The following SPATA2L variants were observed in gnomAD, a reference collection of about 807,000 sequenced individuals.
SPATA2L encodes the protein spermatogenesis-associated protein 2-like protein.
SPATA2L carries 5 observed loss-of-function variants against 8.7 expected under a neutral mutation model. The observed-to-expected ratio is 0.57, with a 90% CI of 0.30 to 1.21. SPATA2L has a LOEUF of 1.21. Ranked by LOEUF, SPATA2L falls within the 50% of genes most tolerant of loss-of-function variation. SPATA2L has a pLI of 0.07. For synonymous variants in SPATA2L, 358 were observed against 275.8 expected (o/e 1.30, Z -2.95); for missense variants, 671 against 591.0 (o/e 1.14, Z -1.40).
In SPATA2L at chr16:89,700,227, CCT is replaced by C. The variant is rs761558324; in HGVS notation, c.303+701_303+702del. ...AGGCCTCAAGGGCGGGCCTGTCCGT[CCT>C]CTCTCATGAATGAAAGTCCTGGCGC... On this transcript the variant is annotated intron_variant, in intron 2 of 2. Coordinates refer to ENST00000289805, the MANE Select transcript of SPATA2L (RefSeq NM_152339.4). Among the ~76,000 whole-genome samples, 24 of 152,336 alleles carry C rather than the reference CCT, an allele frequency of 1.6e-4. No homozygotes were observed. In the South Asian group the frequency reaches 3.3e-3, roughly 21 times the overall value.
chr16:89,698,397 T>G (rs1195645703), intron 2 of SPATA2L, 92 bp from the exon 3 acceptor site: 1 of 1,419,690 alleles, frequency 7.0e-7, no homozygotes, highest in Non-Finnish European at 9.4e-7. Flanking sequence ...GCTCAGGCCT[T>G]GGCAGCTTCT....
At chr16:89,700,819 C>A (rs1039355245) in intron 2 of SPATA2L, 111 bp downstream of exon 2, 1 of 1,228,748 alleles carries the variant, frequency 8.1e-7, no homozygotes, top group Non-Finnish European at 1.1e-6. Context: ...CCACCAGGCA[C>A]TGAGGACACT....
In SPATA2L at chr16:89,697,243, C is replaced by T. The variant is rs544331742; in HGVS notation, c.*91G>A. ...GCTGTGCCCAGGACTCCCCCAGGGA[C>T]AAGGCAACCAGAGGCCCAGACCCCT... is the stretch of plus-strand genomic sequence containing the variant. On this transcript the variant is annotated 3_prime_UTR_variant, in exon 3 of 3. Transcript: ENST00000289805. 1.6e-3 allele frequency: 2,307 copies of T among 1,414,900 alleles called. 2 individuals carry two copies. The highest frequency in any genetic ancestry group is 2.0e-3 in the Non-Finnish European group (2,171 of 1,088,462). The allele number at this position is 1,414,900 out of a possible 1,614,324, so 87.6% of individuals were successfully genotyped here. A position where few individuals can be genotyped will look rare whatever the true frequency, so the allele number is the denominator to read the frequency against.
intron 1 of SPATA2L, 77 bp downstream of exon 1, chr16:89,701,551 G>A (rs949033872): frequency 1.6e-5 from 5 of 316,060 alleles, no homozygotes. Flanking sequence ...ACGCGCTTCC[G>A]CCCGCTGAGC....
At chr16:89,699,208 C>T (rs1166685971) in intron 2 of SPATA2L, among the ~76,000 whole-genome samples, 2 of 152,196 alleles carry the variant, frequency 1.3e-5, no homozygotes, top group Non-Finnish European at 2.9e-5. Flanking sequence ...TCCCTTCACC[C>T]CTGGAGATGG....
Position 89,697,762 on chromosome 16 carries a change from C to T in SPATA2L, c.847G>A (p.Glu283Lys). ...GGGCTGCTGGCCTGCGGCAGCTCCT[C>T]AGCTGGGGGCTCCCAGGCCCGGCCC... is the stretch of plus-strand genomic sequence containing the variant. ...TGGRAWEPPA[E>K]ELPQASSPPY... Residue 283 changes from glutamate to lysine, a missense_variant, in exon 3 of 3, where the codon GAG becomes AAG. By Grantham distance (56) the Glu-to-Lys change is moderately conservative. Transcript: ENST00000289805. The T allele has an allele frequency of 6.2e-7, 1 of 1,602,372 alleles. No individual in the cohort carries two copies. The highest frequency in any genetic ancestry group is 8.5e-7 in the Non-Finnish European group (1 of 1,175,344).
At chr16:89,700,552 T>C (rs1048895549) in intron 2 of SPATA2L, among the ~76,000 whole-genome samples, 4 of 152,162 alleles carry the variant, frequency 2.6e-5, no homozygotes, top group Non-Finnish European at 5.9e-5. Context: ...GGCGGCCTCC[T>C]CTGCAAATGG....
rs550384437 is a variant in SPATA2L at position 89,697,983 on chromosome 16, G to A, written c.626C>T (p.Pro209Leu). 1.3e-5 allele frequency: 21 copies of A among 1,603,096 alleles called. No individual in the cohort carries two copies. The highest frequency in any genetic ancestry group is 5.5e-5 in the South Asian group (5 of 90,860). The change falls in exon 3 of 3, where the codon CCG (proline) becomes CTG (leucine). Residue 209 changes from proline to leucine, a missense_variant. By Grantham distance (98) the Pro-to-Leu change is moderately conservative (BLOSUM62 -3). Transcript: ENST00000289805. Reference protein sequence around the residue: ...LQQRLAQDEEPPPLPPRGSPA... With the variant: ...LQQRLAQDEELPPLPPRGSPA... Reference sequence around the variant, plus strand: ...GGAGCCTCGGGGGGGCAGGGGTGGCGGCTCCTCATCCTGGGCCAGCCGCTG... The same window carrying A: ...GGAGCCTCGGGGGGGCAGGGGTGGCAGCTCCTCATCCTGGGCCAGCCGCTG...
rs1218630431 is a variant in SPATA2L at position 89,697,456 on chromosome 16, G to T, written c.1153C>A (p.Leu385Met). 1.9e-6 allele frequency: 3 copies of T among 1,605,660 alleles called. No individual in the cohort carries two copies. The change falls in exon 3 of 3, where the codon CTG becomes ATG. Residue 385 changes from leucine to methionine, a missense_variant. Coordinates refer to ENST00000289805, the MANE Select transcript of SPATA2L (RefSeq NM_152339.4). ...GAGTGGCCTGGACGGCAGGCGGGCA[G>T]GGCTGCACAGTGGGCAGCATGCAGC... is the stretch of plus-strand genomic sequence containing the variant. ...RQLHAAHCAA[L>M]PACRPGHSLR...
chr16:89,696,974 T>G lies in SPATA2L; in HGVS notation c.*360A>C, dbSNP rs1449446211. On this transcript the variant is annotated 3_prime_UTR_variant, in exon 3 of 3. Coordinates refer to ENST00000289805, the MANE Select transcript of SPATA2L (RefSeq NM_152339.4). ...AAGTCCTGAGCCCCGTACTCCGTAC[T>G]GCAGGGAGCAGGCCAGGAGCCACGG... The G allele has an allele frequency of 1.4e-6, 2 of 1,468,732 alleles. No homozygotes were observed. The highest frequency in any genetic ancestry group is 2.8e-5 in the African/African-American group (2 of 71,718). The allele number at this position is 1,468,732 out of a possible 1,614,324, so 91.0% of individuals were successfully genotyped here. A position where few individuals can be genotyped will look rare whatever the true frequency, so the allele number is the denominator to read the frequency against.
At position 89,698,173 on chromosome 16, in the gene SPATA2L, A is replaced by T. The variant is rs2060749984; in HGVS notation, c.436T>A (p.Cys146Ser). The T allele has an allele frequency of 1.2e-6, 2 of 1,612,504 alleles. No homozygotes were observed. Among genetic ancestry groups the T allele is most frequent in the South Asian group, 1.1e-5 (1 of 91,040 alleles). ...RLMVTALPPA[C>S]QLVQVALGCF... is the part of the protein sequence containing the mutation. ...CCCAGGGCCACCTGCACCAGCTGGC[A>T]GGCGGGGGGCAGGGCGGTCACCATG... Residue 146 changes from cysteine to serine, a missense_variant, in exon 3 of 3, where the codon TGC becomes AGC. Coordinates refer to ENST00000289805, the MANE Select transcript of SPATA2L (RefSeq NM_152339.4).
intron 2 of SPATA2L, among the ~76,000 whole-genome samples, chr16:89,699,410 G>A (rs945601428): frequency 3.3e-5 from 5 of 152,130 alleles, no homozygotes; most frequent in African/African-American, 1.2e-4. Context: ...CTACAGTCTT[G>A]CAGACAAGGA....
chr16:89,699,834 G>A (rs966803676), intron 2 of SPATA2L, among the ~76,000 whole-genome samples: 14 of 152,218 alleles, frequency 9.2e-5, no homozygotes, highest in African/African-American at 3.4e-4. Flanking sequence ...ACAGGCGTGA[G>A]CCACCGCGCC....
At position 89,697,763 on chromosome 16, in the gene SPATA2L, A is replaced by G. The variant is rs1458486334; in HGVS notation, c.846T>C (p.Ala282=). The change falls in exon 3 of 3, where the codon GCT becomes GCC. Residue 282 remains alanine (A), a synonymous_variant. Transcript: ENST00000289805. ...GGCTGCTGGCCTGCGGCAGCTCCTC[A>G]GCTGGGGGCTCCCAGGCCCGGCCCC... ...GTGGRAWEPP[A]EELPQASSPP... is the part of the protein sequence containing the mutation. 1 of 1,602,688 alleles carries G rather than the reference A, an allele frequency of 6.2e-7. No homozygotes were observed. The highest frequency in any genetic ancestry group is 8.5e-7 in the Non-Finnish European group (1 of 1,175,472).
chr16:89,698,474 CTTTTTTTTTTTT>C (rs61610413), intron 2 of SPATA2L, among the ~76,000 whole-genome samples, 169 bp from the exon 3 acceptor site: 8 of 54,110 alleles, frequency 1.5e-4, no homozygotes, highest in Admixed American at 6.5e-4. Context: ...ATGATGATTT[CTTTTTTTTTTTT>C]TTTTTTTTTT....
chr16:89,696,649 A>C lies in SPATA2L; in HGVS notation c.*685T>G. The C allele has an allele frequency of 2.3e-6, 2 of 885,006 alleles. No individual in the cohort carries two copies. Among genetic ancestry groups the C allele is most frequent in the Admixed American group, 2.6e-5 (1 of 38,878 alleles). The allele number at this position is 885,006 out of a possible 1,614,324, so 54.8% of individuals were successfully genotyped here. On this transcript the variant is annotated 3_prime_UTR_variant, in exon 3 of 3. Transcript: ENST00000289805. ...CCCGCCGCCTGGGCGGGCTGTCCAC[A>C]GGCCCTTCCGCCCAGCAGCAGTGAC...
rs1256741052 is a variant in SPATA2L at position 89,698,234 on chromosome 16, C to T, written c.375G>A (p.Gln125=). The T allele has an allele frequency of 1.2e-6, 2 of 1,611,296 alleles. No homozygotes were observed. The highest frequency in any genetic ancestry group is 1.1e-5 in the South Asian group (1 of 90,906). The part of the protein sequence containing the change: ...LSDDLLLKSF[Q]KMGYVRRDSH... ...TGTCTCTGCGTACGTAGCCCATCTT[C>T]TGGAAGCTCTTCAGGAGGAGGTCGT... The change falls in exon 3 of 3, where the codon CAG becomes CAA. Residue 125 remains glutamine (Q), a synonymous_variant. Coordinates refer to ENST00000289805, the MANE Select transcript of SPATA2L (RefSeq NM_152339.4).
rs1375576516 is a variant in SPATA2L at position 89,697,344 on chromosome 16, G to A, written c.1265C>T (p.Ala422Val). ...TGGGGCCCAGCTGGCCTAGGGCCGG[G>A]CCCCGGGGCTGTTGTAGAGCAGAGT... ...MDTLLYNSPG[A>V]RP Residue 422 changes from alanine (A) to valine (V), a missense_variant, in exon 3 of 3, where the codon GCC becomes GTC. Physicochemically the swap from Ala to Val is moderately conservative, Grantham distance 64. Coordinates refer to ENST00000289805, the MANE Select transcript of SPATA2L (RefSeq NM_152339.4). The A allele has an allele frequency of 6.6e-6, 10 of 1,513,304 alleles. No individual in the cohort carries two copies. Among genetic ancestry groups the A allele is most frequent in the Non-Finnish European group, 8.0e-6 (9 of 1,130,648 alleles). The allele number at this position is 1,513,304 out of a possible 1,614,324, so 93.7% of individuals were successfully genotyped here. A position where few individuals can be genotyped will look rare whatever the true frequency, so the allele number is the denominator to read the frequency against.
Position 89,697,797 on chromosome 16 carries a change from C to G in SPATA2L, c.812G>C (p.Trp271Ser). Residue 271 changes from tryptophan (W) to serine (S), a missense_variant, in exon 3 of 3, where the codon TGG becomes TCG. By Grantham distance (177) the Trp-to-Ser change is radical. Coordinates refer to ENST00000289805, the MANE Select transcript of SPATA2L (RefSeq NM_152339.4). ...CTCCCAGGCCCGGCCCCCAGTGCCC[C>G]ACAGTTTGGCACTCTGCTCCCAGAG... ...PPLWEQSAKL[W>S]GTGGRAWEPP... 3 of 1,601,116 alleles carry G rather than the reference C, an allele frequency of 1.9e-6. No homozygotes were observed. Among genetic ancestry groups the G allele is most frequent in the Non-Finnish European group, 2.6e-6 (3 of 1,175,050 alleles).
Sources: allele counts gnomAD v4.1 joint callset (sites outside exome capture counted in the v4.1 genomes callset), GRCh38; gene constraint gnomAD v4.1.1; transcripts MANE v1.5; gene names NCBI Gene and HGNC (gene_info 2026-07-23, HGNC 2026-07-21).